Variants in TBC1D22B observed in about 807,000 individuals in gnomAD.
TBC1D22B encodes the protein chromosome 6 open reading frame 197.
In TBC1D22B, 32 loss-of-function variants were observed where a neutral mutation model predicts 69.1. The observed-to-expected ratio is 0.46, with a 90% CI of 0.35 to 0.62. TBC1D22B has a LOEUF of 0.62. TBC1D22B is among the 20% of genes least tolerant of loss of function. TBC1D22B has a pLI of 0.00. For missense variants in TBC1D22B, 462 were observed against 630.9 expected, an observed-to-expected ratio of 0.73 and a Z score of 2.87; for synonymous variants, 206 against 229.8, an observed-to-expected ratio of 0.90 and a Z score of 0.94.
At chr6:37,280,679 C>G (rs1283007362) in intron 3 of TBC1D22B, among the ~76,000 whole-genome samples, 1 of 152,248 alleles carries the variant, frequency 6.6e-6, no homozygotes, top group African/African-American at 2.4e-5. Context: ...CCTCCCCCGC[C>G]CAGCCCAGAG....
At chr6:37,295,712 C>A (rs117773227) in intron 8 of TBC1D22B, 5 of 348,084 alleles carry the variant, frequency 1.4e-5, no homozygotes, top group African/African-American at 4.4e-5. Flanking sequence ...CCAAATCCAT[C>A]GATTCCCTGG....
At chr6:37,324,175 AT>A in intron 12 of TBC1D22B, 1 of 402,358 alleles carries the variant, frequency 2.5e-6, no homozygotes, top group South Asian at 1.8e-5. Flanking sequence ...CTGCAAAGTG[AT>A]TCTAGATACA....
intron 2 of TBC1D22B, among the ~76,000 whole-genome samples, chr6:37,270,813 A>G (rs190755913): frequency 3.3e-5 from 5 of 152,328 alleles, no homozygotes; most frequent in South Asian, 2.1e-4. Flanking sequence ...CCTGTGTATT[A>G]GTAGCTGCCC....
intron 2 of TBC1D22B, among the ~76,000 whole-genome samples, chr6:37,270,929 T>C (rs1431735652): frequency 6.6e-6 from 1 of 152,126 alleles, no homozygotes; most frequent in Non-Finnish European, 1.5e-5. Context: ...AGAAGATCAG[T>C]TGCCAAGGGG....
chr6:37,283,468 C>T (rs952424934), intron 5 of TBC1D22B, among the ~76,000 whole-genome samples: 1 of 152,166 alleles, frequency 6.6e-6, no homozygotes, highest in Non-Finnish European at 1.5e-5. Flanking sequence ...TTATTGAGAG[C>T]CTGCTGTTTG....
intron 6 of TBC1D22B, among the ~76,000 whole-genome samples, chr6:37,285,169 G>C (rs1766963539): frequency 2.6e-5 from 4 of 152,144 alleles, no homozygotes; most frequent in Admixed American, 6.6e-5. Flanking sequence ...CTCTGCTGCT[G>C]CTGCTGCTGA....
chr6:37,331,219 G>A lies in TBC1D22B; in HGVS notation c.*47G>A. On this transcript the variant is annotated 3_prime_UTR_variant, in exon 13 of 13. Coordinates refer to ENST00000373491, the MANE Select transcript of TBC1D22B (RefSeq NM_017772.4). ...CAGACTGCCTTCATCTCTGATGGCAGTCTGATCACTGTGGCCACTGTGCGA... is the reference window on the plus strand; with the variant it reads ...CAGACTGCCTTCATCTCTGATGGCAATCTGATCACTGTGGCCACTGTGCGA... The A allele has an allele frequency of 2.5e-6, 4 of 1,605,458 alleles. No homozygotes were observed. The Admixed American group carries it at 6.7e-5, about 27-fold the overall frequency.
At chr6:37,306,878 G>T (rs1767735456) in intron 8 of TBC1D22B, among the ~76,000 whole-genome samples, 1 of 152,160 alleles carries the variant, frequency 6.6e-6, no homozygotes, top group Non-Finnish European at 1.5e-5. Context: ...CTGACAGTCA[G>T]AAAAACATGG....
chr6:37,279,798 G>A (rs1284246359), intron 3 of TBC1D22B, among the ~76,000 whole-genome samples, 187 bp downstream of exon 3: 1 of 152,218 alleles, frequency 6.6e-6, no homozygotes, highest in East Asian at 1.9e-4. Flanking sequence ...CCACAGTGGT[G>A]GCTGCCCAGT....
In TBC1D22B at chr6:37,317,261, G is replaced by A. The variant is rs374336954; in HGVS notation, c.1389+55G>A. ...GGAATGAACATTAGAATGGGAGTTA[G>A]CCCCTCAGTGGGCAGTGCAGACAGA... On this transcript the variant is annotated intron_variant, in intron 12 of 12. Transcript: ENST00000373491. The A allele has an allele frequency of 5.6e-5, 84 of 1,507,892 alleles. No homozygotes were observed. The African/African-American group carries it at 8.6e-4, about 15-fold the overall frequency. 93.4% of individuals were successfully genotyped at this position (1,507,892 alleles called of 1,614,324 possible).
intron 5 of TBC1D22B, among the ~76,000 whole-genome samples, chr6:37,283,698 C>T (rs532579602): frequency 1.1e-4 from 17 of 152,186 alleles, no homozygotes; most frequent in South Asian, 4.2e-4. Flanking sequence ...TTGGTGAGAA[C>T]GGAAGGGGAA....
chr6:37,262,840 C>T (rs933927916), intron 1 of TBC1D22B, among the ~76,000 whole-genome samples: 7 of 152,168 alleles, frequency 4.6e-5, no homozygotes, highest in Admixed American at 6.5e-5. Context: ...AAACAAACAC[C>T]TGTTGATTTT....
At chr6:37,264,263 G>A (rs960818769) in intron 1 of TBC1D22B, among the ~76,000 whole-genome samples, 1 of 152,094 alleles carries the variant, frequency 6.6e-6, no homozygotes, top group Non-Finnish European at 1.5e-5. Flanking sequence ...CCAATAGAGT[G>A]GCTTGCTAGG....
intron 1 of TBC1D22B, among the ~76,000 whole-genome samples, chr6:37,262,790 G>T (rs1161880743): frequency 6.6e-6 from 1 of 152,206 alleles, no homozygotes; most frequent in Non-Finnish European, 1.5e-5. Context: ...AATTTGATGG[G>T]TCTTTTTCCC....
chr6:37,300,503 A>G lies in TBC1D22B; in HGVS notation c.982+9146A>G, dbSNP rs557002315. Among the ~76,000 whole-genome samples the G allele has an allele frequency of 1.6e-3, 237 of 152,234 alleles. 1 individual carries two copies. The highest frequency in any genetic ancestry group is 5.5e-3 in the African/African-American group (230 of 41,538). ...CAGCCTCCCTAGTAGCTGGAACTAC[A>G]GGCATCGCCACTATGCCTGGCTAAT... On this transcript the variant is annotated intron_variant, in intron 8 of 12. Transcript: ENST00000373491.
chr6:37,275,065 T>TAAA (rs1766624060), intron 2 of TBC1D22B, among the ~76,000 whole-genome samples: 1 of 148,980 alleles, frequency 6.7e-6, no homozygotes. Flanking sequence ...ATAATAATAA[T>TAAA]AAATAATCTT....
chr6:37,313,686 C>T lies in TBC1D22B; in HGVS notation c.1090-130C>T, dbSNP rs1227442305. On this transcript the variant is annotated intron_variant, in intron 9 of 12. Coordinates refer to ENST00000373491, the MANE Select transcript of TBC1D22B (RefSeq NM_017772.4). The stretch of plus-strand genomic sequence containing the variant: ...TTGTTCTGTAGATTTCTTTGTTTCC[C>T]AGAACACTGTCACTGGCCATTGGTA... The T allele has an allele frequency of 4.7e-6, 4 of 859,184 alleles. No individual in the cohort carries two copies. In the East Asian group the frequency reaches 9.9e-5, roughly 21 times the overall value. The allele number at this position is 859,184 out of a possible 1,614,324, so 53.2% of individuals were successfully genotyped here.
At chr6:37,318,627 C>G (rs1768150054) in intron 12 of TBC1D22B, among the ~76,000 whole-genome samples, 2 of 152,166 alleles carry the variant, frequency 1.3e-5, no homozygotes, top group African/African-American at 2.4e-5. Context: ...TCTTATATGA[C>G]TACATGAAGA....
chr6:37,278,848 A>G (rs986347051), intron 2 of TBC1D22B, among the ~76,000 whole-genome samples: 5 of 152,018 alleles, frequency 3.3e-5, no homozygotes, highest in Non-Finnish European at 2.9e-5. Flanking sequence ...TGGGAGGATC[A>G]CTTGAGCCCA....
Sources: gnomAD v4.1 joint callset for allele counts (sites outside exome capture counted in the v4.1 genomes callset) on GRCh38, gnomAD v4.1.1 for gene constraint, MANE v1.5 for transcripts, NCBI Gene and HGNC (gene_info 2026-07-23, HGNC 2026-07-21) for gene names.